MYOM2: variants seen among roughly 807,000 people sequenced by gnomAD.
MYOM2 encodes myomesin-2.
A neutral mutation model predicts 187.6 loss-of-function variants in MYOM2; 254 were observed. That is an observed-to-expected ratio of 1.35 (90% confidence interval 1.22 to 1.50). The LOEUF is 1.50. MYOM2 is among the 40% of genes most tolerant of loss of function. The pLI is 0.00. For synonymous variants in MYOM2, 981 were observed against 753.8 expected (o/e 1.30, Z -4.94); for missense variants, 2,796 against 1,924.0 (o/e 1.45, Z -8.48).
chr8:2,079,721 C>A (rs1819558002), intron 13 of MYOM2, 108 bp downstream of exon 13: 1 of 1,216,506 alleles, frequency 8.2e-7, no homozygotes, highest in Non-Finnish European at 1.2e-6. Context: ...ACGGCCTCTG[C>A]ATGGAAAAAT....
intron 6 of MYOM2, among the ~76,000 whole-genome samples, chr8:2,065,111 A>G (rs2129331920): frequency 6.6e-6 from 1 of 152,364 alleles, no homozygotes. Flanking sequence ...TTATTTAATC[A>G]TCAAAGTCAC....
chr8:2,092,378 T>G lies in MYOM2; in HGVS notation c.1861T>G (p.Ser621Ala). ...TTCTGCTCCGGGTCGGGTTCTTGCT[T>G]CCCGAAACACCAAGACGTCGGTGGT... ...VPSAPGRVLASRNTKTSVVVQ... is the reference protein window; with the variant it reads ...VPSAPGRVLAARNTKTSVVVQ... Residue 621 changes from serine (S) to alanine (A), a missense_variant, in exon 16 of 37, where the codon TCC (serine) becomes GCC (alanine). By Grantham distance (99) the Ser-to-Ala change is moderately conservative. Transcript: ENST00000262113. The G allele has an allele frequency of 6.2e-7, 1 of 1,614,066 alleles. No homozygotes were observed. The highest frequency in any genetic ancestry group is 8.5e-7 in the Non-Finnish European group (1 of 1,179,994).
chr8:2,101,995 A>G (rs1796726018), intron 20 of MYOM2: 1 of 152,134 alleles, frequency 6.6e-6, no homozygotes, highest in Non-Finnish European at 1.5e-5. Context: ...CTTAACCCAG[A>G]GGTTTTCTTC....
At chr8:2,066,122 G>A (rs1253976892) in intron 6 of MYOM2, among the ~76,000 whole-genome samples, 1 of 152,220 alleles carries the variant, frequency 6.6e-6, no homozygotes, top group Non-Finnish European at 1.5e-5. Context: ...TGACCTGCTG[G>A]GCTTGGGGAC....
chr8:2,049,368 T>C (rs925514342), intron 1 of MYOM2, among the ~76,000 whole-genome samples: 1 of 152,214 alleles, frequency 6.6e-6, no homozygotes, highest in Non-Finnish European at 1.5e-5. Flanking sequence ...GAATAGGAGT[T>C]TGGGTAATCG....
rs1819795800 is a variant in MYOM2, at chr8:2,085,471, G to GTTGTGA, written c.1644+82_1644+83insTGTGAT. 14 of 1,514,726 alleles carry GTTGTGA rather than the reference G, an allele frequency of 9.2e-6. 4 individuals carry two copies. In the African/African-American group the frequency reaches 2.0e-4, roughly 21 times the overall value. The allele number at this position is 1,514,726 out of a possible 1,614,324, so 93.8% of individuals were successfully genotyped here. ...CATGATCTCTGCGTGGCCCACCGCT[G>GTTGTGA]TCGTGATCTCCGCGTGGCCCCTCAC... On this transcript the variant is annotated intron_variant, in intron 14 of 36. Coordinates refer to ENST00000262113, the MANE Select transcript of MYOM2 (RefSeq NM_003970.4).
intron 32 of MYOM2, among the ~76,000 whole-genome samples, chr8:2,133,540 A>C (rs986263529): frequency 1.3e-5 from 2 of 152,210 alleles, no homozygotes; most frequent in African/African-American, 2.4e-5. Context: ...TGCTCACTGC[A>C]ACCTCTGCCT....
At chr8:2,060,437 G>A (rs1330244718) in intron 6 of MYOM2, among the ~76,000 whole-genome samples, 2 of 152,146 alleles carry the variant, frequency 1.3e-5, no homozygotes, top group Non-Finnish European at 2.9e-5. Flanking sequence ...ATAACGGGAG[G>A]TGTGGGGTGT....
At position 2,056,103 on chromosome 8, in the gene MYOM2, G is replaced by A. The variant is rs1479246128; in HGVS notation, c.264-1245G>A. Among the ~76,000 whole-genome samples the A allele has an allele frequency of 1.4e-4, 21 of 152,196 alleles. 1 individual carries two copies. Among genetic ancestry groups the A allele is most frequent in the Admixed American group, 1.4e-3 (21 of 15,286 alleles). On this transcript the variant is annotated intron_variant, in intron 3 of 36. Transcript: ENST00000262113. ...CTGGGGAATACAGAGGTGAGAAGTAGCCAATCCTTTCTCCTGGGAAGGATA... is the reference window on the plus strand; with the variant it reads ...CTGGGGAATACAGAGGTGAGAAGTAACCAATCCTTTCTCCTGGGAAGGATA...
At chr8:2,050,641 C>T (rs1818451087) in intron 1 of MYOM2, 114 bp from the exon 2 acceptor site, 2 of 577,878 alleles carry the variant, frequency 3.5e-6, no homozygotes, top group Admixed American at 2.8e-5. Context: ...TTTTCCCTTC[C>T]CAAGGGGGTT....
At chr8:2,046,784 G>T (rs539056328) in intron 1 of MYOM2, among the ~76,000 whole-genome samples, 4 of 151,318 alleles carry the variant, frequency 2.6e-5, no homozygotes, top group African/African-American at 9.7e-5. Context: ...TGTGTAGGGG[G>T]TATTTAACAC....
chr8:2,066,101 G>T (rs886795798), intron 6 of MYOM2, among the ~76,000 whole-genome samples: 6 of 152,236 alleles, frequency 3.9e-5, no homozygotes, highest in African/African-American at 1.4e-4. Flanking sequence ...CTGAGGAACT[G>T]GTCATGACGG....
rs139807442 is a variant in MYOM2 at position 2,123,313 on chromosome 8, C to A, written c.3515C>A (p.Thr1172Lys). Residue 1172 changes from threonine to lysine, a missense_variant, in exon 29 of 37, where the codon ACG (threonine) becomes AAG (lysine). Physicochemically the swap from Thr to Lys is moderately conservative, Grantham distance 78. Coordinates refer to ENST00000262113, the MANE Select transcript of MYOM2 (RefSeq NM_003970.4). ...CTCAAGGATGATGTTCTGTATGAAACGGAGACACTGCCTAACCTGGAGAGG... is the reference window on the plus strand; with the variant it reads ...CTCAAGGATGATGTTCTGTATGAAAAGGAGACACTGCCTAACCTGGAGAGG... Reference protein sequence around the residue: ...KWLKDDVLYETETLPNLERGI... With the variant: ...KWLKDDVLYEKETLPNLERGI... 94 of 1,613,938 alleles carry A rather than the reference C, an allele frequency of 5.8e-5. No homozygotes were observed. Among genetic ancestry groups the A allele is most frequent in the Middle Eastern group, 1.6e-4 (1 of 6,062 alleles).
At position 2,144,694 on chromosome 8, in the gene MYOM2, A is replaced by T; in HGVS notation, c.4111A>T (p.Asn1371Tyr). 1.9e-6 allele frequency: 3 copies of T among 1,613,994 alleles called. No homozygotes were observed. In the East Asian group the frequency reaches 6.7e-5, roughly 36 times the overall value. ...TLNLTCTVFG[N>Y]PDPEVIWFKN... ...GAATCTGACCTGCACGGTGTTTGGA[A>T]ACCCTGACCCCGAAGTGATTTGGTT... Residue 1371 changes from asparagine to tyrosine, a missense_variant, in exon 37 of 37, where the codon AAC becomes TAC. By Grantham distance (143) the Asn-to-Tyr change is moderately radical (BLOSUM62 -2). Coordinates refer to ENST00000262113, the MANE Select transcript of MYOM2 (RefSeq NM_003970.4).
Position 2,085,595 on chromosome 8 carries a change from C to CCT in MYOM2, c.1644+206_1644+207insTC, listed in dbSNP as rs1554546572. Among the ~76,000 whole-genome samples the CCT allele has an allele frequency of 3.7e-3, 42 of 11,434 alleles. 19 individuals are homozygous for CCT. The highest frequency in any genetic ancestry group is 5.3e-3 in the African/African-American group (5 of 940). 7.5% of individuals were successfully genotyped at this position (11,434 alleles called of 152,430 possible). ...CCACTGTTGTGATCTCTGCGTGGCC[C>CCT]CACTGTCGTGATCTCTGCGTGGCCC... is the stretch of plus-strand genomic sequence containing the variant. On this transcript the variant is annotated intron_variant, in intron 14 of 36. Transcript: ENST00000262113.
chr8:2,106,244 A>G lies in MYOM2; in HGVS notation c.2737A>G (p.Thr913Ala). 1 of 1,614,074 alleles carries G rather than the reference A, an allele frequency of 6.2e-7. No individual in the cohort carries two copies. Among genetic ancestry groups the G allele is most frequent in the Non-Finnish European group, 8.5e-7 (1 of 1,179,968 alleles). ...CACTTCATACTCTTCTTATGCAGGC[A>G]CCAAGGAAATCAGTGCTGGTGTCGA... is the stretch of plus-strand genomic sequence containing the variant. ...EPVLVEARPGTKEISAGVDEQ... is the reference protein window; with the variant it reads ...EPVLVEARPGAKEISAGVDEQ... Residue 913 changes from threonine (T) to alanine (A), a missense_variant and splice_region_variant, in exon 22 of 37, where the codon ACC (threonine) becomes GCC (alanine). Coordinates refer to ENST00000262113, the MANE Select transcript of MYOM2 (RefSeq NM_003970.4).
chr8:2,049,197 G>C (rs532189224), intron 1 of MYOM2, among the ~76,000 whole-genome samples: 15 of 152,276 alleles, frequency 9.9e-5, no homozygotes, highest in African/African-American at 3.4e-4. Flanking sequence ...TGGGGTGGTT[G>C]GTCGACTAGT....
At chr8:2,067,671 C>T (rs1439148866) in intron 6 of MYOM2, among the ~76,000 whole-genome samples, 1 of 152,122 alleles carries the variant, frequency 6.6e-6, no homozygotes. Context: ...AGCTTTAGTA[C>T]CATGGATATG....
At chr8:2,124,488 T>G (rs927035906) in intron 31 of MYOM2, among the ~76,000 whole-genome samples, 2 of 152,230 alleles carry the variant, frequency 1.3e-5, no homozygotes, top group African/African-American at 4.8e-5. Context: ...TTAGGTTAAT[T>G]GGCATGACTG....
Sources: gnomAD v4.1 joint callset for allele counts (sites outside exome capture counted in the v4.1 genomes callset) on GRCh38, gnomAD v4.1.1 for gene constraint, MANE v1.5 for transcripts, NCBI Gene and HGNC (gene_info 2026-07-23, HGNC 2026-07-21) for gene names.